HECTD4: variants seen among roughly 807,000 people sequenced by gnomAD.
The protein encoded by HECTD4 is probable E3 ubiquitin-protein ligase HECTD4.
A neutral mutation model predicts 471.5 loss-of-function variants in HECTD4; 114 were observed. The ratio of observed to expected loss-of-function variants is 0.24; its 90% confidence interval spans 0.21 to 0.28. HECTD4 has a LOEUF of 0.28. Ranked by LOEUF, HECTD4 falls within the 10% of genes least tolerant of loss-of-function variation. HECTD4 has a pLI of 1.00. For synonymous variants in HECTD4, 2,012 were observed against 2,256.0 expected (o/e 0.89, Z 3.07); for missense variants, 3,866 against 5,651.5 (o/e 0.68, Z 10.13).
chr12:112,231,109 C>A, intron 39 of HECTD4: 1 of 460,466 alleles, frequency 2.2e-6, no homozygotes. Flanking sequence ...GGCTTTCAAG[C>A]ACAAAACACC....
intron 29 of HECTD4, among the ~76,000 whole-genome samples, 196 bp downstream of exon 29, chr12:112,246,701 CTTTG>C (rs1207631926): frequency 6.6e-6 from 1 of 152,118 alleles, no homozygotes; most frequent in Non-Finnish European, 1.5e-5. Flanking sequence ...ACAAGTATTT[CTTTG>C]TTTTTCTTTT....
At chr12:112,297,473 A>G (rs2035065628) in intron 7 of HECTD4, among the ~76,000 whole-genome samples, 1 of 151,970 alleles carries the variant, frequency 6.6e-6, no homozygotes. Context: ...CAGCACCTCT[A>G]TAGAAGTAAT....
At chr12:112,219,030 A>G (rs2033012121) in intron 45 of HECTD4, among the ~76,000 whole-genome samples, 1 of 152,132 alleles carries the variant, frequency 6.6e-6, no homozygotes. Context: ...CACCATGCCC[A>G]GCCCACTTTT....
chr12:112,363,713 A>G (rs1442016567), intron 1 of HECTD4, among the ~76,000 whole-genome samples: 1 of 152,150 alleles, frequency 6.6e-6, no homozygotes, highest in Admixed American at 6.6e-5. Flanking sequence ...ACAGTGGCTC[A>G]GGCCTGTAAT....
At position 112,231,507 on chromosome 12, in the gene HECTD4, G is replaced by T; in HGVS notation, c.6200+6C>A. On this transcript the variant is annotated splice_donor_region_variant and intron_variant, in intron 39 of 75. Transcript: ENST00000682272. ...TGTGGACAGCTCCTACCTGTGGAAGGTTTACCTTGCAAGCTCCGAGTTCCT... is the reference window on the plus strand; with the variant it reads ...TGTGGACAGCTCCTACCTGTGGAAGTTTTACCTTGCAAGCTCCGAGTTCCT... 1 of 1,613,704 alleles carries T rather than the reference G, an allele frequency of 6.2e-7. No individual in the cohort carries two copies. The highest frequency in any genetic ancestry group is 8.5e-7 in the Non-Finnish European group (1 of 1,179,596).
At chr12:112,216,703 C>T in intron 47 of HECTD4, 70 bp downstream of exon 47, 1 of 1,529,410 alleles carries the variant, frequency 6.5e-7, no homozygotes, top group Non-Finnish European at 8.9e-7. Context: ...ATTTTGACTT[C>T]CTGAACACCT....
intron 7 of HECTD4, among the ~76,000 whole-genome samples, chr12:112,286,029 AAAAC>A (rs1460208724): frequency 6.6e-6 from 1 of 152,224 alleles, no homozygotes; most frequent in African/African-American, 2.4e-5. Flanking sequence ...AGATACCTTA[AAAAC>A]AAACAAAACA....
chr12:112,311,619 CA>C (rs541436680), intron 4 of HECTD4, among the ~76,000 whole-genome samples: 98 of 46,712 alleles, frequency 2.1e-3, no homozygotes, highest in Middle Eastern at 0.01. Flanking sequence ...GACCCCATCT[CA>C]AAAAAAAAAA....
At chr12:112,187,729 C>A (rs1422627689) in intron 60 of HECTD4, among the ~76,000 whole-genome samples, 1 of 150,854 alleles carries the variant, frequency 6.6e-6, no homozygotes, top group African/African-American at 2.4e-5. Flanking sequence ...TGGGTTCACA[C>A]CATTCTCTTG....
At chr12:112,375,875 C>T (rs1328136585) in intron 1 of HECTD4, among the ~76,000 whole-genome samples, 1 of 151,410 alleles carries the variant, frequency 6.6e-6, no homozygotes, top group Non-Finnish European at 1.5e-5. Context: ...TCAAGTCCAC[C>T]CTGGCCAATA....
At position 112,243,665 on chromosome 12, in the gene HECTD4, C is replaced by G. The variant is rs761469037; in HGVS notation, c.4746G>C (p.Leu1582=). 4.3e-6 allele frequency: 7 copies of G among 1,613,240 alleles called. No homozygotes were observed. Among genetic ancestry groups the G allele is most frequent in the Non-Finnish European group, 5.9e-6 (7 of 1,179,480 alleles). Residue 1582 remains leucine (L), a synonymous_variant, in exon 31 of 76, where the codon CTG becomes CTC. Coordinates refer to ENST00000682272, the MANE Select transcript of HECTD4 (RefSeq NM_001388303.1). This position sits in a 1 kb window ranked among gnomAD's most constrained non-coding sequence, Gnocchi z 6.6. ...CGATGAAAGCAAACAGCTGCCCTAGCAGGACACTGTAGGTGGGCTTGTCCC... is the reference window on the plus strand; with the variant it reads ...CGATGAAAGCAAACAGCTGCCCTAGGAGGACACTGTAGGTGGGCTTGTCCC... The part of the protein sequence containing the change: ...DSRDKPTYSV[L]LGQLFAFIGT...
chr12:112,193,731 G>A lies in HECTD4; in HGVS notation c.8750-57C>T. The A allele has an allele frequency of 1.3e-6, 2 of 1,483,242 alleles. No homozygotes were observed. The highest frequency in any genetic ancestry group is 1.8e-6 in the Non-Finnish European group (2 of 1,081,368). The allele number at this position is 1,483,242 out of a possible 1,614,324, so 91.9% of individuals were successfully genotyped here. ...GAATCAAAGCAGCCAGTAGCTGTGA[G>A]AGTCTAAGTAACAGAAAATGAATAA... On this transcript the variant is annotated intron_variant, in intron 56 of 75. Coordinates refer to ENST00000682272, the MANE Select transcript of HECTD4 (RefSeq NM_001388303.1). The surrounding 1 kb of genome is among the most constrained non-coding windows in gnomAD (Gnocchi z 5.2).
At chr12:112,189,168 G>C (rs541611329) in intron 60 of HECTD4, among the ~76,000 whole-genome samples, 5 of 152,208 alleles carry the variant, frequency 3.3e-5, no homozygotes, top group Admixed American at 6.5e-5. Context: ...CCCTCCTAGG[G>C]TGTATGAAAG....
chr12:112,308,581 G>A (rs954509200), intron 6 of HECTD4, among the ~76,000 whole-genome samples, 172 bp downstream of exon 6: 1 of 151,964 alleles, frequency 6.6e-6, no homozygotes. Flanking sequence ...AGTTCATATG[G>A]GAAAAGTCTA....
chr12:112,262,515 CAAAAAA>C (rs758273849), intron 17 of HECTD4, among the ~76,000 whole-genome samples: 4 of 19,760 alleles, frequency 2.0e-4, no homozygotes, highest in South Asian at 2.9e-3. Flanking sequence ...GACTCCATCT[CAAAAAA>C]AAAAAAAAAA....
At chr12:112,197,960 C>T (rs961864324) in intron 55 of HECTD4, among the ~76,000 whole-genome samples, 24 of 152,062 alleles carry the variant, frequency 1.6e-4, no homozygotes, top group Non-Finnish European at 2.4e-4. Context: ...TTCAGCCTCC[C>T]GAGTAGCTGG....
At chr12:112,295,012 A>T (rs2034973960) in intron 7 of HECTD4, among the ~76,000 whole-genome samples, 1 of 152,112 alleles carries the variant, frequency 6.6e-6, no homozygotes, top group South Asian at 2.1e-4. Context: ...GCCGGGTACT[A>T]TTCTAGCACC....
At chr12:112,203,566 C>G (rs758201015) in intron 54 of HECTD4, 70 bp downstream of exon 54, 6 of 1,291,124 alleles carry the variant, frequency 4.6e-6, no homozygotes, top group Non-Finnish European at 6.4e-6. Flanking sequence ...TTTAAGGTAC[C>G]TGGGAATCTG....
intron 7 of HECTD4, among the ~76,000 whole-genome samples, chr12:112,285,450 A>G (rs1183538758): frequency 6.6e-6 from 1 of 151,066 alleles, no homozygotes; most frequent in Admixed American, 6.6e-5. Context: ...CAGCACCCCA[A>G]CCCAGAGCAC....
Sources: gnomAD v4.1 joint callset for allele counts (sites outside exome capture counted in the v4.1 genomes callset) on GRCh38, gnomAD v4.1.1 for gene constraint, Gnocchi (gnomAD v3.1) non-coding constraint, MANE v1.5 for transcripts, NCBI Gene and HGNC (gene_info 2026-07-23, HGNC 2026-07-21) for gene names.